Variants in NAV2 observed in about 807,000 individuals in gnomAD.
NAV2 encodes the protein neuron navigator 2, also known as helicase, APC down-regulated 1.
Under a neutral mutation model 223.2 loss-of-function variants are expected in NAV2, and 54 were observed. The ratio of observed to expected loss-of-function variants is 0.24; its 90% confidence interval spans 0.19 to 0.30. The LOEUF is 0.30. NAV2 is among the 10% of genes least tolerant of loss of function. NAV2 has a pLI of 1.00. For synonymous variants in NAV2, 1,279 were observed against 1,239.3 expected (o/e 1.03, Z -0.67); for missense variants, 2,806 against 3,147.5 (o/e 0.89, Z 2.60).
At chr11:19,690,845 A>C (rs972245554) in intron 1 of NAV2, among the ~76,000 whole-genome samples, 2 of 152,186 alleles carry the variant, frequency 1.3e-5, no homozygotes, top group Admixed American at 6.5e-5. Context: ...CCAGTGGCTT[A>C]CCCAAAGTCA....
chr11:20,107,768 A>G lies in NAV2; in HGVS notation c.6946A>G (p.Arg2316Gly). The change falls in exon 36 of 38, where the codon AGA becomes GGA. Residue 2316 changes from arginine to glycine, a missense_variant. Coordinates refer to ENST00000349880, the MANE Select transcript of NAV2 (RefSeq NM_145117.5). ...TATCCCCTATCTCCTGGAAGCCGTC[A>G]GAGAAGGACTCCAGGTGAGAAGACA... ...SIIPYLLEAV[R>G]EGLQLYGRRA... The G allele has an allele frequency of 6.2e-7, 1 of 1,612,478 alleles. No individual in the cohort carries two copies. The highest frequency in any genetic ancestry group is 8.5e-7 in the Non-Finnish European group (1 of 1,178,416).
chr11:19,708,359 A>T (rs989551953), upstream of NAV2, among the ~76,000 whole-genome samples: 2 of 152,178 alleles, frequency 1.3e-5, no homozygotes, highest in African/African-American at 4.8e-5. Context: ...AAATAAACTC[A>T]TAAATATTTT....
chr11:19,817,401 A>G (rs959019195), intron 1 of NAV2, among the ~76,000 whole-genome samples: 1 of 152,142 alleles, frequency 6.6e-6, no homozygotes, highest in Non-Finnish European at 1.5e-5. Flanking sequence ...CCTGGGACCT[A>G]GTAAGCCCTG....
At chr11:19,985,957 A>C (rs1422456411) in intron 11 of NAV2, among the ~76,000 whole-genome samples, 2 of 151,580 alleles carry the variant, frequency 1.3e-5, no homozygotes, top group East Asian at 3.9e-4. Context: ...AAAAAAAATC[A>C]GTTGCTACAA....
intron 14 of NAV2, 67 bp downstream of exon 14, chr11:20,045,737 T>C: frequency 7.5e-7 from 1 of 1,340,860 alleles, no homozygotes; most frequent in Admixed American, 2.1e-5. Flanking sequence ...TAATTTCCTG[T>C]TTCTTAGTTG....
At chr11:19,744,181 C>A (rs964878399) in intron 1 of NAV2, among the ~76,000 whole-genome samples, 1 of 152,222 alleles carries the variant, frequency 6.6e-6, no homozygotes, top group Non-Finnish European at 1.5e-5. Flanking sequence ...TAAACCCATA[C>A]TTCTGCCTCT....
chr11:19,818,024 C>T (rs1170019491), intron 1 of NAV2, among the ~76,000 whole-genome samples: 4 of 152,096 alleles, frequency 2.6e-5, no homozygotes, highest in African/African-American at 9.7e-5. Flanking sequence ...ACCCCACAGG[C>T]TTCCCAGCTC....
At chr11:19,622,821 G>C (rs1036881855) in intron 1 of NAV2, among the ~76,000 whole-genome samples, 4 of 152,124 alleles carry the variant, frequency 2.6e-5, no homozygotes, top group African/African-American at 9.7e-5. Context: ...TGTTAGCTGA[G>C]TATTTTGCTC....
At chr11:20,011,147 G>T (rs540590253) in intron 11 of NAV2, among the ~76,000 whole-genome samples, 1 of 152,128 alleles carries the variant, frequency 6.6e-6, no homozygotes, top group Non-Finnish European at 1.5e-5. Context: ...TCAGACTCCA[G>T]GTTTTGTAAT....
intron 1 of NAV2, among the ~76,000 whole-genome samples, chr11:19,481,587 G>C (rs1383734396): frequency 2.6e-5 from 4 of 152,142 alleles, no homozygotes; most frequent in African/African-American, 9.7e-5. Context: ...TGTAAAACAG[G>C]ATAAATAGTA....
intron 1 of NAV2, among the ~76,000 whole-genome samples, chr11:19,802,302 T>A (rs1011423290): frequency 2.0e-5 from 3 of 151,994 alleles, no homozygotes; most frequent in Non-Finnish European, 4.4e-5. Context: ...AGGGGTGGGA[T>A]TGGGCTAGAG....
At position 19,984,162 on chromosome 11, in the gene NAV2, C is replaced by G; in HGVS notation, c.2683C>G (p.Arg895Gly). 6.2e-7 allele frequency: 1 copy of G among 1,614,188 alleles called. No homozygotes were observed. Among genetic ancestry groups the G allele is most frequent in the Admixed American group, 1.7e-5 (1 of 60,024 alleles). ...TDGGLGLYTRRLNRLPDGMAV... is the reference protein window; with the variant it reads ...TDGGLGLYTRGLNRLPDGMAV... ...TGGTGGACTTGGCCTCTATACCCGT[C>G]GCCTGAACCGGCTCCCTGATGGGAT... The change falls in exon 11 of 38, where the codon CGC (arginine) becomes GGC (glycine). Residue 895 changes from arginine (R) to glycine (G), a missense_variant. Physicochemically the swap from Arg to Gly is moderately radical, Grantham distance 125. Transcript: ENST00000349880.
chr11:19,786,323 C>G (rs1282085928), intron 1 of NAV2, among the ~76,000 whole-genome samples: 3 of 152,216 alleles, frequency 2.0e-5, no homozygotes, highest in Non-Finnish European at 4.4e-5. Flanking sequence ...TCTGCAGACA[C>G]CTGCTATAGC....
intron 7 of NAV2, among the ~76,000 whole-genome samples, chr11:19,935,989 A>C (rs1020144735): frequency 6.7e-6 from 1 of 149,720 alleles, no homozygotes; most frequent in African/African-American, 2.5e-5. Flanking sequence ...TCTCCTGAGC[A>C]GCTGGGACTA....
At chr11:19,647,252 C>T (rs1333495916) in intron 1 of NAV2, among the ~76,000 whole-genome samples, 2 of 152,136 alleles carry the variant, frequency 1.3e-5, no homozygotes, top group Admixed American at 6.6e-5. Context: ...GATGGGTTTC[C>T]AGAAGTCATA....
intron 1 of NAV2, among the ~76,000 whole-genome samples, chr11:19,360,938 G>A (rs1220013651): frequency 6.6e-6 from 1 of 152,144 alleles, no homozygotes; most frequent in East Asian, 1.9e-4. Flanking sequence ...ATATACCAGA[G>A]AAGATGGAGT....
chr11:19,914,035 T>A (rs926287622), intron 6 of NAV2, among the ~76,000 whole-genome samples: 1 of 152,214 alleles, frequency 6.6e-6, no homozygotes, highest in Non-Finnish European at 1.5e-5. Flanking sequence ...GAGCGAATTT[T>A]TTAATTTTCA....
chr11:19,378,926 T>A (rs1246206971), intron 1 of NAV2, among the ~76,000 whole-genome samples: 1 of 152,118 alleles, frequency 6.6e-6, no homozygotes, highest in Non-Finnish European at 1.5e-5. Context: ...TGTGGAGAAA[T>A]TAAGTGTGTC....
intron 31 of NAV2, among the ~76,000 whole-genome samples, chr11:20,098,451 T>C (rs1303849469): frequency 6.6e-6 from 1 of 152,210 alleles, no homozygotes; most frequent in Non-Finnish European, 1.5e-5. Context: ...ACCCTATCAT[T>C]TCCTATATGT....
Sources: allele counts gnomAD v4.1 joint callset (sites outside exome capture counted in the v4.1 genomes callset), GRCh38; gene constraint gnomAD v4.1.1; transcripts MANE v1.5; gene names NCBI Gene and HGNC (gene_info 2026-07-23, HGNC 2026-07-21).